CAMK1D: variants seen among roughly 807,000 people sequenced by gnomAD.
CAMK1D encodes the protein calcium/calmodulin dependent protein kinase ID, also known as calcium/calmodulin-dependent protein kinase type 1D.
CAMK1D carries 9 observed loss-of-function variants against 47.7 expected under a neutral mutation model. That is an observed-to-expected ratio of 0.19 (90% CI 0.11 to 0.33). The LOEUF (loss-of-function observed/expected upper bound fraction) is 0.33. Ranked by LOEUF, CAMK1D falls within the 10% of genes least tolerant of loss-of-function variation. The probability of loss-of-function intolerance (pLI) is 1.00; values close to 1 mark genes in which losing one functional copy is unlikely to be tolerated. For missense variants in CAMK1D, 291 were observed against 488.7 expected, an observed-to-expected ratio of 0.60 and a Z score of 3.81; for synonymous variants, 184 against 184.9, an observed-to-expected ratio of 0.99 and a Z score of 0.04.
chr10:12,464,349 A>G (rs1343503605), intron 1 of CAMK1D, among the ~76,000 whole-genome samples: 2 of 152,044 alleles, frequency 1.3e-5, no homozygotes, highest in East Asian at 3.8e-4. Context: ...AGGTGCAGAG[A>G]GTAGTCAGTA....
chr10:12,478,262 C>T (rs192535529), intron 1 of CAMK1D, among the ~76,000 whole-genome samples: 1 of 151,936 alleles, frequency 6.6e-6, no homozygotes, highest in Non-Finnish European at 1.5e-5. Context: ...CCTGCCTCGG[C>T]CTCCCAAAGT....
intron 2 of CAMK1D, among the ~76,000 whole-genome samples, chr10:12,629,778 A>G (rs540826103): frequency 6.6e-6 from 1 of 152,212 alleles, no homozygotes; most frequent in Non-Finnish European, 1.5e-5. Flanking sequence ...TAGCATCCTC[A>G]AAAGCAAGGG....
chr10:12,788,633 G>A (rs1040704129), intron 5 of CAMK1D, among the ~76,000 whole-genome samples: 2 of 152,256 alleles, frequency 1.3e-5, no homozygotes, highest in Non-Finnish European at 2.9e-5. Context: ...TGGCCACTGG[G>A]ACCAGAGTGG....
chr10:12,722,454 A>AAG (rs1834434948), intron 3 of CAMK1D, among the ~76,000 whole-genome samples: 2 of 147,544 alleles, frequency 1.4e-5, no homozygotes, highest in Non-Finnish European at 3.0e-5. Context: ...CTCAAAAAAA[A>AAG]AAAAAAAAAA....
At chr10:12,478,956 G>T (rs1345138443) in intron 1 of CAMK1D, among the ~76,000 whole-genome samples, 1 of 152,200 alleles carries the variant, frequency 6.6e-6, no homozygotes, top group African/African-American at 2.4e-5. Context: ...AGTGTTTGAC[G>T]TATTTTCTCC....
At chr10:12,391,002 G>A (rs1342622401) in intron 1 of CAMK1D, among the ~76,000 whole-genome samples, 1 of 152,158 alleles carries the variant, frequency 6.6e-6, no homozygotes, top group Non-Finnish European at 1.5e-5. Context: ...GTGAGTAGGA[G>A]GTGGGAAGGG....
intron 5 of CAMK1D, among the ~76,000 whole-genome samples, chr10:12,788,400 C>G (rs778911633): frequency 6.6e-6 from 1 of 152,190 alleles, no homozygotes; most frequent in Non-Finnish European, 1.5e-5. Context: ...TGCGCCATCT[C>G]ACTGAAGAGC....
Position 12,814,282 on chromosome 10 carries a change from C to T in CAMK1D, c.729C>T (p.Pro243=). ...ILKAEYEFDS[P]YWDDISDSAK... is the part of the protein sequence containing the mutation. ...AGGCGGAATATGAGTTTGACTCTCC[C>T]TACTGGGATGACATCTCCGACTCTG... Residue 243 remains proline (P), a synonymous_variant, in exon 7 of 11, where the codon CCC becomes CCT. Coordinates refer to ENST00000619168, the MANE Select transcript of CAMK1D (RefSeq NM_153498.4). 5 of 1,612,946 alleles carry T rather than the reference C, an allele frequency of 3.1e-6. No individual in the cohort carries two copies. Among genetic ancestry groups the T allele is most frequent in the Middle Eastern group, 1.7e-4 (1 of 6,058 alleles).
At chr10:12,767,444 T>G (rs547314168) in intron 4 of CAMK1D, among the ~76,000 whole-genome samples, 1 of 152,264 alleles carries the variant, frequency 6.6e-6, no homozygotes, top group Admixed American at 6.5e-5. Flanking sequence ...CCCAAAGTGC[T>G]GGGATTACAG....
At chr10:12,619,504 T>C (rs1838924960) in intron 2 of CAMK1D, among the ~76,000 whole-genome samples, 1 of 152,280 alleles carries the variant, frequency 6.6e-6, no homozygotes, top group Non-Finnish European at 1.5e-5. Context: ...CCTAGACTGG[T>C]CTTGAATTGC....
chr10:12,437,159 A>G (rs1356639392), intron 1 of CAMK1D, among the ~76,000 whole-genome samples: 3 of 151,584 alleles, frequency 2.0e-5, no homozygotes, highest in Non-Finnish European at 2.9e-5. Context: ...CTGTCTATCT[A>G]TCATCTATCT....
intron 1 of CAMK1D, among the ~76,000 whole-genome samples, chr10:12,534,498 C>T (rs982832164): frequency 6.6e-6 from 1 of 152,202 alleles, no homozygotes; most frequent in African/African-American, 2.4e-5. Flanking sequence ...TCCTGAGTAG[C>T]TGGAATTACA....
chr10:12,617,670 C>G (rs1339920898), intron 2 of CAMK1D, among the ~76,000 whole-genome samples: 1 of 152,168 alleles, frequency 6.6e-6, no homozygotes, highest in Non-Finnish European at 1.5e-5. Flanking sequence ...GCACGCCCTT[C>G]CTTCGGTTTT....
chr10:12,412,000 C>T (rs1839674245), intron 1 of CAMK1D, among the ~76,000 whole-genome samples: 1 of 152,206 alleles, frequency 6.6e-6, no homozygotes, highest in African/African-American at 2.4e-5. Context: ...TGTCTTTACA[C>T]CAGTCTTGCT....
chr10:12,723,353 G>A (rs1403733305), intron 3 of CAMK1D, among the ~76,000 whole-genome samples: 3 of 152,120 alleles, frequency 2.0e-5, no homozygotes, highest in Admixed American at 6.5e-5. Context: ...AGGTTAGAAA[G>A]CTTCCCTGAC....
chr10:12,491,650 C>T (rs534250286), intron 1 of CAMK1D, among the ~76,000 whole-genome samples: 15 of 152,008 alleles, frequency 9.9e-5, no homozygotes, highest in Admixed American at 5.9e-4. Flanking sequence ...CCAGTATCGC[C>T]GAGAGGATGA....
chr10:12,494,290 A>G (rs1464141491), intron 1 of CAMK1D, among the ~76,000 whole-genome samples: 1 of 152,228 alleles, frequency 6.6e-6, no homozygotes, highest in African/African-American at 2.4e-5. Context: ...TCTATGAAAA[A>G]TGTTGAATCC....
At chr10:12,557,177 C>T (rs1036593328) in intron 2 of CAMK1D, among the ~76,000 whole-genome samples, 2 of 152,128 alleles carry the variant, frequency 1.3e-5, no homozygotes, top group Admixed American at 1.3e-4. Context: ...TAGAGAGGTC[C>T]AGTTGACTGT....
intron 3 of CAMK1D, among the ~76,000 whole-genome samples, chr10:12,734,342 AAAAATAT>A (rs1835037059): frequency 5.4e-4 from 10 of 18,458 alleles, no homozygotes; most frequent in Non-Finnish European, 1.0e-3. Context: ...AAAAAAAAAA[AAAAATAT>A]ATATATATAT....
Sources: allele counts gnomAD v4.1 joint callset (sites outside exome capture counted in the v4.1 genomes callset), GRCh38; gene constraint gnomAD v4.1.1; transcripts MANE v1.5; gene names NCBI Gene and HGNC (gene_info 2026-07-23, HGNC 2026-07-21).